Variants in SSBP2 observed in about 807,000 individuals in gnomAD.
SSBP2 encodes the protein single stranded DNA binding protein 2, also known as single-stranded DNA-binding protein 2.
In SSBP2, 17 loss-of-function variants were observed where a neutral mutation model predicts 61.8. That is an observed-to-expected ratio of 0.28 (90% CI 0.19 to 0.41). The LOEUF is 0.41. Among genes scored for constraint, SSBP2 ranks in the 10% least tolerant of loss-of-function variants. SSBP2 has a pLI of 1.00. For synonymous variants in SSBP2, 139 were observed against 141.3 expected (o/e 0.98, Z 0.12); for missense variants, 310 against 458.7 (o/e 0.68, Z 2.96).
rs1054120446 is a variant in SSBP2, at chr5:81,483,508, C to G, written c.432+5742G>C. On this transcript the variant is annotated intron_variant, in intron 6 of 16. Transcript: ENST00000320672. ...ATAATGATATAATTAAATATCAGAACTAGAAGAGCCTTTAGAAATACCCAC... is the reference window on the plus strand; with the variant it reads ...ATAATGATATAATTAAATATCAGAAGTAGAAGAGCCTTTAGAAATACCCAC... Among the ~76,000 whole-genome samples the G allele has an allele frequency of 1.1e-4, 16 of 152,070 alleles. No homozygotes were observed. In the East Asian group the frequency reaches 2.9e-3, roughly 28 times the overall value.
chr5:81,463,924 A>G (rs1764719388), intron 9 of SSBP2, among the ~76,000 whole-genome samples: 1 of 151,768 alleles, frequency 6.6e-6, no homozygotes, highest in Non-Finnish European at 1.5e-5. Context: ...ACCTGTCAAC[A>G]TGCCCAGCTC....
intron 10 of SSBP2, among the ~76,000 whole-genome samples, chr5:81,459,228 G>A (rs901371652): frequency 3.3e-5 from 5 of 152,090 alleles, no homozygotes; most frequent in African/African-American, 1.2e-4. Context: ...TAAAGAGATG[G>A]AGTACCTAAA....
intron 4 of SSBP2, among the ~76,000 whole-genome samples, chr5:81,535,876 GA>G (rs1047944607): frequency 2.0e-5 from 3 of 150,558 alleles, no homozygotes; most frequent in Admixed American, 6.6e-5. Context: ...ATGATTCCAT[GA>G]AAAAAAAATT....
At chr5:81,492,018 T>A (rs1766893279) in intron 5 of SSBP2, among the ~76,000 whole-genome samples, 1 of 152,246 alleles carries the variant, frequency 6.6e-6, no homozygotes. Context: ...GAGAATAATC[T>A]GCACTAGTAT....
intron 3 of SSBP2, among the ~76,000 whole-genome samples, chr5:81,634,423 C>G (rs1301197785): frequency 2.0e-5 from 3 of 152,056 alleles, no homozygotes; most frequent in African/African-American, 7.2e-5. Context: ...CTCGTGTCTC[C>G]CTAAGATGTA....
chr5:81,709,848 C>T (rs1754649175), intron 1 of SSBP2, among the ~76,000 whole-genome samples: 1 of 151,870 alleles, frequency 6.6e-6, no homozygotes, highest in South Asian at 2.1e-4. Context: ...CAGAACTATT[C>T]CTTTGCATGC....
chr5:81,679,336 T>C (rs1342792686), intron 1 of SSBP2, among the ~76,000 whole-genome samples: 1 of 152,240 alleles, frequency 6.6e-6, no homozygotes, highest in Non-Finnish European at 1.5e-5. Context: ...ATTGACCTAA[T>C]AGATAGTTGG....
In SSBP2 at chr5:81,717,988, C is replaced by A. The variant is rs560383586; in HGVS notation, c.62+32993G>T. Among the ~76,000 whole-genome samples the A allele has an allele frequency of 6.6e-5, 10 of 152,276 alleles. No individual in the cohort carries two copies. The East Asian group carries it at 1.7e-3, about 26-fold the overall frequency. On this transcript the variant is annotated intron_variant, in intron 1 of 16. Transcript: ENST00000320672. Reference sequence around the variant, plus strand: ...TGACGCATGCTGGTGCCTCTTCAGACTTCACTTCTAACTTTGTAAGCCCCT... The same window carrying A: ...TGACGCATGCTGGTGCCTCTTCAGAATTCACTTCTAACTTTGTAAGCCCCT...
chr5:81,715,156 G>A (rs192271413), intron 1 of SSBP2, among the ~76,000 whole-genome samples: 2 of 152,228 alleles, frequency 1.3e-5, no homozygotes, highest in African/African-American at 4.8e-5. Context: ...ACAGACAGGA[G>A]GGGCTGGGGA....
rs768942304 is a variant in SSBP2 at position 81,461,130 on chromosome 5, T to G, written c.639-27A>C. On this transcript the variant is annotated intron_variant, in intron 9 of 16. Transcript: ENST00000320672. ...TACAAAACAATTTGATAAATGAAAT[T>G]TTAACCTATGCTTTGAAGGTTTCAC... 6.5e-6 allele frequency: 10 copies of G among 1,546,534 alleles called. No homozygotes were observed. The East Asian group carries it at 2.3e-4, about 36-fold the overall frequency.
chr5:81,486,570 G>A (rs988766246), intron 6 of SSBP2, among the ~76,000 whole-genome samples: 2 of 151,996 alleles, frequency 1.3e-5, no homozygotes, highest in African/African-American at 2.4e-5. Context: ...AGCTATGGAC[G>A]GAATGTCTAA....
chr5:81,520,899 C>G (rs906733705), intron 4 of SSBP2, among the ~76,000 whole-genome samples: 7 of 152,018 alleles, frequency 4.6e-5, no homozygotes, highest in African/African-American at 1.4e-4. Context: ...TGGATTCTAT[C>G]CTTTATTAAG....
At chr5:81,731,840 CAAT>C (rs1354534701) in intron 1 of SSBP2, among the ~76,000 whole-genome samples, 3 of 150,440 alleles carry the variant, frequency 2.0e-5, no homozygotes, top group African/African-American at 7.3e-5. Context: ...AATTATATTA[CAAT>C]AATATAATTG....
At chr5:81,428,775 A>C (rs1474173005) in intron 15 of SSBP2, 92 bp from the exon 16 acceptor site, 1 of 809,720 alleles carries the variant, frequency 1.2e-6, no homozygotes, top group African/African-American at 1.7e-5. Flanking sequence ...AGCATCCCTA[A>C]GGACAAAGCA....
Position 81,437,397 on chromosome 5 carries a change from G to T in SSBP2, c.957+33C>A. The T allele has an allele frequency of 2.5e-6, 4 of 1,580,226 alleles. No homozygotes were observed. The South Asian group carries it at 4.8e-5, about 19-fold the overall frequency. On this transcript the variant is annotated intron_variant, in intron 15 of 16. Transcript: ENST00000320672. ...TGAGTTCCATGTTAAATAAAATTCT[G>T]ATTAAAAACAACACAGAATACACAG... is the stretch of plus-strand genomic sequence containing the variant.
chr5:81,697,295 C>A (rs932269186), intron 1 of SSBP2, among the ~76,000 whole-genome samples: 1 of 152,038 alleles, frequency 6.6e-6, no homozygotes, highest in African/African-American at 2.4e-5. Flanking sequence ...TTTTTCTGTA[C>A]AAAACTGAGG....
intron 1 of SSBP2, among the ~76,000 whole-genome samples, chr5:81,726,637 C>T (rs1002570158): frequency 9.2e-5 from 14 of 152,040 alleles, no homozygotes; most frequent in Non-Finnish European, 1.9e-4. Context: ...AGTTTATATA[C>T]CCCCAATCAT....
At chr5:81,429,194 T>C (rs745890247) in intron 15 of SSBP2, among the ~76,000 whole-genome samples, 3 of 152,220 alleles carry the variant, frequency 2.0e-5, no homozygotes, top group Admixed American at 6.5e-5. Context: ...AAAAGAAAGA[T>C]AGCTAACAAC....
intron 1 of SSBP2, among the ~76,000 whole-genome samples, chr5:81,745,672 T>G (rs933581218): frequency 1.3e-5 from 2 of 152,120 alleles, no homozygotes; most frequent in African/African-American, 4.8e-5. Flanking sequence ...AAAATAATTT[T>G]GAAATCCTAT....
Sources: allele counts gnomAD v4.1 joint callset (sites outside exome capture counted in the v4.1 genomes callset), GRCh38; gene constraint gnomAD v4.1.1; transcripts MANE v1.5; gene names NCBI Gene and HGNC (gene_info 2026-07-23, HGNC 2026-07-21).